Variants in WDR47 observed in about 807,000 individuals in gnomAD.
The protein encoded by WDR47 is WD repeat-containing protein 47.
WDR47 carries 32 observed loss-of-function variants against 97.2 expected under a neutral mutation model. The ratio of observed to expected loss-of-function variants is 0.33; its 90% confidence interval spans 0.25 to 0.44. The LOEUF is 0.44. Ranked by LOEUF, WDR47 falls within the 20% of genes least tolerant of loss-of-function variation. WDR47 has a pLI of 1.00. For missense variants in WDR47, 782 were observed against 1,102.3 expected (o/e 0.71, Z 4.11); for synonymous variants, 375 against 373.5 (o/e 1.00, Z -0.05).
At chr1:109,019,412 G>A (rs1374644565) in intron 2 of WDR47, among the ~76,000 whole-genome samples, 1 of 151,888 alleles carries the variant, frequency 6.6e-6, no homozygotes. Flanking sequence ...GCTGGGAGTG[G>A]TGGCTCACAC....
chr1:108,979,899 C>T (rs1235120238), intron 13 of WDR47, among the ~76,000 whole-genome samples: 1 of 152,170 alleles, frequency 6.6e-6, no homozygotes, highest in Non-Finnish European at 1.5e-5. Flanking sequence ...AGTCTATGGC[C>T]TGTTAGGCAC....
At chr1:109,002,187 A>G (rs900987498) in intron 7 of WDR47, 37 bp downstream of exon 7, 2 of 1,504,078 alleles carry the variant, frequency 1.3e-6, no homozygotes, top group East Asian at 2.4e-5. Context: ...TAGCTTTCAA[A>G]TAACTCCATA....
intron 6 of WDR47, among the ~76,000 whole-genome samples, 197 bp from the exon 7 acceptor site, chr1:109,002,599 G>A (rs569216112): frequency 6.6e-6 from 1 of 152,166 alleles, no homozygotes; most frequent in Admixed American, 6.5e-5. Flanking sequence ...TTTATTCCAC[G>A]GAAACAGACT....
chr1:108,984,858 CAG>C (rs1219570713), intron 10 of WDR47, among the ~76,000 whole-genome samples: 1 of 152,090 alleles, frequency 6.6e-6, no homozygotes, highest in Non-Finnish European at 1.5e-5. Context: ...AGCCTGGCGA[CAG>C]AGTGAGACTC....
intron 2 of WDR47, among the ~76,000 whole-genome samples, chr1:109,020,463 C>T (rs974749867): frequency 2.0e-5 from 3 of 151,962 alleles, no homozygotes; most frequent in Non-Finnish European, 4.4e-5. Flanking sequence ...GGGGTTTCAC[C>T]GCATTAGCCA....
intron 13 of WDR47, among the ~76,000 whole-genome samples, chr1:108,981,078 AG>A (rs1281315046): frequency 6.6e-6 from 1 of 151,736 alleles, no homozygotes; most frequent in Non-Finnish European, 1.5e-5. Context: ...CAGTGAGCCA[AG>A]ATCACGCCAC....
chr1:108,971,584 A>C lies in WDR47; in HGVS notation c.2618-12T>G. 6.2e-7 allele frequency: 1 copy of C among 1,614,058 alleles called. No individual in the cohort carries two copies. The highest frequency in any genetic ancestry group is 2.2e-5 in the East Asian group (1 of 44,880). On this transcript the variant is annotated splice_polypyrimidine_tract_variant and intron_variant, in intron 14 of 14. Coordinates refer to ENST00000369962, the MANE Select transcript of WDR47 (RefSeq NM_001142551.2). Reference sequence around the variant, plus strand: ...CTTGGTGAGGTCCCCTAAATTACAAAAGAGATGTTGATTTACAATGCAAAA... The same window carrying C: ...CTTGGTGAGGTCCCCTAAATTACAACAGAGATGTTGATTTACAATGCAAAA...
chr1:108,989,892 C>T (rs527511322), intron 9 of WDR47, among the ~76,000 whole-genome samples: 2 of 152,188 alleles, frequency 1.3e-5, no homozygotes, highest in African/African-American at 2.4e-5. Context: ...GATTGGGTTT[C>T]GCCATGTTGG....
At chr1:109,012,250 A>G (rs1399429155) in intron 4 of WDR47, among the ~76,000 whole-genome samples, 1 of 152,114 alleles carries the variant, frequency 6.6e-6, no homozygotes, top group Non-Finnish European at 1.5e-5. Flanking sequence ...TGTTAGTCCA[A>G]ACTTACCTTA....
Position 109,031,708 on chromosome 1 carries a change from A to G in WDR47, c.-9-8187T>C, listed in dbSNP as rs1047073879. Among the ~76,000 whole-genome samples the G allele has an allele frequency of 4.3e-5, 6 of 139,722 alleles. 1 individual carries two copies. The highest frequency in any genetic ancestry group is 1.5e-4 in the African/African-American group (6 of 39,012). 91.7% of individuals were successfully genotyped at this position (139,722 alleles called of 152,430 possible). ...GTAAACTAATGCATATAATGAAGTA[A>G]TAATATTTCAAAGGAATTTGTATTT... On this transcript the variant is annotated intron_variant, in intron 1 of 14. Transcript: ENST00000369962.
At position 109,013,751 on chromosome 1, in the gene WDR47, C is replaced by T. The variant is rs781623499; in HGVS notation, c.327+90G>A. On this transcript the variant is annotated intron_variant, in intron 4 of 14. Transcript: ENST00000369962. ...TCCCAGCTCATAAAAACTCTGAAAA[C>T]TTGTGATGCTAATCCTTCGTTTTAG... 3.9e-5 allele frequency: 55 copies of T among 1,394,566 alleles called. 2 individuals carry two copies. Among genetic ancestry groups the T allele is most frequent in the Admixed American group, 2.1e-4 (10 of 48,678 alleles). The allele number at this position is 1,394,566 out of a possible 1,614,324, so 86.4% of individuals were successfully genotyped here. A position where few individuals can be genotyped will look rare whatever the true frequency, so the allele number is the denominator to read the frequency against.
chr1:108,986,079 T>C (rs1017062756), intron 10 of WDR47, among the ~76,000 whole-genome samples: 5 of 151,986 alleles, frequency 3.3e-5, no homozygotes, highest in Non-Finnish European at 7.4e-5. Context: ...GTAAGAGTTA[T>C]ATGTAAATTA....
chr1:109,023,321 G>A (rs1294556949), intron 2 of WDR47, 34 bp downstream of exon 2: 4 of 1,590,450 alleles, frequency 2.5e-6, no homozygotes, highest in African/African-American at 1.4e-5. Context: ...TTCTTCGAAG[G>A]AGCTACAAAC....
rs970516694 is a variant in WDR47 at position 109,011,568 on chromosome 1, C to T, written c.478G>A (p.Ala160Thr). ...AEFKDWNPST[A>T]RVHCFEEACV... ...GCCTCTTCAAAACAGTGAACTCGTG[C>T]GGTGCTGGGATTCCAGTCCTTAAAC... Residue 160 changes from alanine to threonine, a missense_variant, in exon 5 of 15, where the codon GCA becomes ACA. By Grantham distance (58) the Ala-to-Thr change is moderately conservative. This residue lies in a region of WDR47 where 428 missense variants were observed against 584.3 expected (regional missense o/e 0.73). Coordinates refer to ENST00000369962, the MANE Select transcript of WDR47 (RefSeq NM_001142551.2). The T allele has an allele frequency of 8.1e-6, 13 of 1,613,980 alleles. No individual in the cohort carries two copies. Among genetic ancestry groups the T allele is most frequent in the African/African-American group, 2.7e-5 (2 of 74,878 alleles).
intron 1 of WDR47, among the ~76,000 whole-genome samples, chr1:109,029,317 G>C (rs1279905032): frequency 1.3e-5 from 2 of 152,070 alleles, no homozygotes; most frequent in Non-Finnish European, 2.9e-5. Context: ...GAGGTCAGGA[G>C]TTCAAGACCA....
intron 3 of WDR47, 40 bp from the exon 4 acceptor site, chr1:109,013,965 G>A: frequency 6.9e-7 from 1 of 1,442,782 alleles, no homozygotes; most frequent in Non-Finnish European, 9.6e-7. Flanking sequence ...TCCAATGTCT[G>A]ATGTCAAATA....
chr1:109,027,536 T>A (rs1571248712), intron 1 of WDR47, among the ~76,000 whole-genome samples: 1 of 152,230 alleles, frequency 6.6e-6, no homozygotes, highest in East Asian at 1.9e-4. Flanking sequence ...TACTTTTTTT[T>A]TCCCCCAGAT....
chr1:109,023,515 T>C lies in WDR47; in HGVS notation c.-3A>G. 2 of 1,611,514 alleles carry C rather than the reference T, an allele frequency of 1.2e-6. No homozygotes were observed. The highest frequency in any genetic ancestry group is 8.5e-7 in the Non-Finnish European group (1 of 1,178,640). On this transcript the variant is annotated 5_prime_UTR_variant, in exon 2 of 15. Coordinates refer to ENST00000369962, the MANE Select transcript of WDR47 (RefSeq NM_001142551.2). ...TTCACTGTTTCTTCAGCCGTCATAT[T>C]GATAGCCTAAATATGAAACAGAAAA...
At chr1:109,036,445 G>A (rs773149069) in intron 1 of WDR47, among the ~76,000 whole-genome samples, 5 of 149,450 alleles carry the variant, frequency 3.3e-5, no homozygotes, top group Non-Finnish European at 7.4e-5. Flanking sequence ...GGTAGCGTGC[G>A]CCTGTAGTCC....
Sources: allele counts gnomAD v4.1 joint callset (sites outside exome capture counted in the v4.1 genomes callset), GRCh38; gene constraint gnomAD v4.1.1; regional missense constraint gnomAD v4.1.1; transcripts MANE v1.5; gene names NCBI Gene and HGNC (gene_info 2026-07-23, HGNC 2026-07-21).